The following ZMYND11 variants were observed in gnomAD, a reference collection of about 807,000 sequenced individuals.
ZMYND11 encodes the protein zinc finger MYND domain-containing protein 11.
In ZMYND11, 9 loss-of-function variants were observed where a neutral mutation model predicts 84.9. That is an observed-to-expected ratio of 0.11 (90% CI 0.06 to 0.18). The LOEUF is 0.18. Among genes scored for constraint, ZMYND11 ranks in the 10% least tolerant of loss-of-function variants. The probability of loss-of-function intolerance (pLI) is 1.00; values close to 1 mark genes in which losing one functional copy is unlikely to be tolerated. For synonymous variants in ZMYND11, 250 were observed against 244.1 expected, an observed-to-expected ratio of 1.02 and a Z score of -0.23; for missense variants, 409 against 761.0, an observed-to-expected ratio of 0.54 and a Z score of 5.44.
Position 221,178 on chromosome 10 carries a change from T to C in ZMYND11, c.277-17T>C. On this transcript the variant is annotated splice_polypyrimidine_tract_variant and intron_variant, in intron 3 of 14. Transcript: ENST00000381604. ...TTGACAAAATGTCATACAAAACTAT[T>C]TTGTACTTTTTTGTAGGACTGGGAA... The C allele has an allele frequency of 6.2e-7, 1 of 1,611,924 alleles. No homozygotes were observed. The highest frequency in any genetic ancestry group is 8.5e-7 in the Non-Finnish European group (1 of 1,178,624).
chr10:173,019 T>C (rs1554766055), intron 1 of ZMYND11, among the ~76,000 whole-genome samples: 1 of 149,058 alleles, frequency 6.7e-6, no homozygotes, highest in East Asian at 2.0e-4. Context: ...CTGGAACAAA[T>C]GGACATCCAC....
At chr10:186,341 C>A (rs1055470505) in intron 2 of ZMYND11, among the ~76,000 whole-genome samples, 3 of 151,588 alleles carry the variant, frequency 2.0e-5, no homozygotes, top group African/African-American at 7.3e-5. Flanking sequence ...ACTTGGGTTG[C>A]AGTTTAAAAA....
At chr10:209,077 G>C (rs1944709104) in intron 2 of ZMYND11, among the ~76,000 whole-genome samples, 1 of 151,728 alleles carries the variant, frequency 6.6e-6, no homozygotes, top group African/African-American at 2.4e-5. Flanking sequence ...CAGCGTTGAG[G>C]TTTGTTTGGA....
chr10:130,773 T>G (rs1402560727), upstream of ZMYND11, among the ~76,000 whole-genome samples: 1 of 152,112 alleles, frequency 6.6e-6, no homozygotes, highest in Non-Finnish European at 1.5e-5. Context: ...TCACAGTGAG[T>G]TGGAATTTGG....
chr10:214,275 A>G (rs1945782228), intron 3 of ZMYND11, among the ~76,000 whole-genome samples: 1 of 152,188 alleles, frequency 6.6e-6, no homozygotes, highest in Admixed American at 6.5e-5. Context: ...CCAATTTTAA[A>G]TGGTTTGCTC....
At chr10:171,936 A>G (rs1204860263) in intron 1 of ZMYND11, among the ~76,000 whole-genome samples, 1 of 152,318 alleles carries the variant, frequency 6.6e-6, no homozygotes, top group East Asian at 1.9e-4. Context: ...TTTATAAATA[A>G]CAGAAGTTTA....
intron 1 of ZMYND11, among the ~76,000 whole-genome samples, chr10:166,743 G>T (rs1054402043): frequency 1.8e-4 from 28 of 152,042 alleles, no homozygotes; most frequent in Admixed American, 1.8e-3. Context: ...CCACTTCTGG[G>T]TATATGCCCC....
chr10:212,482 A>G lies in ZMYND11; in HGVS notation c.276+2434A>G, dbSNP rs1168153154. On this transcript the variant is annotated intron_variant, in intron 3 of 14. Transcript: ENST00000381604. ...TAAAATATGTAAATATTTAAAATTC[A>G]GAGGTAATGTAGTTTATTAGAAAGA... Among the ~76,000 whole-genome samples, 26 of 151,666 alleles carry G rather than the reference A, an allele frequency of 1.7e-4. No individual in the cohort carries two copies. The Admixed American group carries it at 1.7e-3, about 10-fold the overall frequency.
intron 9 of ZMYND11, among the ~76,000 whole-genome samples, chr10:241,511 TCCTTTCATCC>T (rs1950920500): frequency 1.3e-5 from 2 of 151,946 alleles, no homozygotes; most frequent in Admixed American, 1.3e-4. Flanking sequence ...TTTTTGTTTC[TCCTTTCATCC>T]TTTCACAAGA....
At chr10:157,351 C>A (rs1298039709) in intron 1 of ZMYND11, among the ~76,000 whole-genome samples, 1 of 152,098 alleles carries the variant, frequency 6.6e-6, no homozygotes, top group Non-Finnish European at 1.5e-5. Flanking sequence ...AGGTGCATGC[C>A]ACCACACTTG....
chr10:222,058 T>C (rs192021130), intron 4 of ZMYND11, among the ~76,000 whole-genome samples: 4 of 152,288 alleles, frequency 2.6e-5, no homozygotes, highest in Admixed American at 2.0e-4. Context: ...TCGATGGTAA[T>C]AAGGAATTAT....
intron 2 of ZMYND11, among the ~76,000 whole-genome samples, chr10:181,853 C>T (rs1847954464): frequency 1.3e-5 from 2 of 151,878 alleles, no homozygotes; most frequent in South Asian, 4.2e-4. Context: ...AAATAAAGCA[C>T]ATAATTTGGG....
intron 2 of ZMYND11, among the ~76,000 whole-genome samples, chr10:207,173 AT>A (rs1264678834): frequency 3.9e-5 from 6 of 152,096 alleles, no homozygotes; most frequent in African/African-American, 1.4e-4. Flanking sequence ...TGTACTCATC[AT>A]TTTTTATGGC....
intron 2 of ZMYND11, among the ~76,000 whole-genome samples, chr10:201,585 T>TACACACACACACACAC (rs56058145): frequency 0.029 from 4,258 of 146,096 alleles, 91 homozygotes; most frequent in African/African-American, 0.048. Context: ...TACCATGAAA[T>TACACACACACACACAC]ACACACACAC....
intron 10 of ZMYND11, among the ~76,000 whole-genome samples, chr10:246,466 T>C (rs941434680): frequency 1.3e-5 from 2 of 152,194 alleles, no homozygotes; most frequent in Admixed American, 6.5e-5. Context: ...TTGTGAACAA[T>C]TGGGAGGCAT....
At position 248,468 on chromosome 10, in the gene ZMYND11, A is replaced by G; in HGVS notation, c.1360A>G (p.Ser454Gly). The change falls in exon 13 of 15, where the codon AGC (serine) becomes GGC (glycine). Residue 454 changes from serine (S) to glycine (G), a missense_variant. By Grantham distance (56) the Ser-to-Gly change is moderately conservative. Coordinates refer to ENST00000381604, the MANE Select transcript of ZMYND11 (RefSeq NM_001370100.5). ...SASSPRMLHR[S>G]TQTTNDGVCQ... ...CTCTTCACCAAGAATGCTGCATCGGAGCACCCAGACCACAAACGACGGCGT... is the reference window on the plus strand; with the variant it reads ...CTCTTCACCAAGAATGCTGCATCGGGGCACCCAGACCACAAACGACGGCGT... 6.2e-7 allele frequency: 1 copy of G among 1,614,220 alleles called. No individual in the cohort carries two copies. The highest frequency in any genetic ancestry group is 8.5e-7 in the Non-Finnish European group (1 of 1,180,040).
chr10:162,439 A>AT (rs782016085), intron 1 of ZMYND11, among the ~76,000 whole-genome samples: 10,055 of 146,810 alleles, frequency 0.068, 450 homozygotes, highest in Middle Eastern at 0.1. Flanking sequence ...GCCACATCAG[A>AT]TTTTTTTTTT....
chr10:239,359 T>C (rs527907329), intron 6 of ZMYND11, 79 bp from the exon 7 acceptor site: 1 of 1,142,836 alleles, frequency 8.8e-7, no homozygotes, highest in Non-Finnish European at 1.3e-6. Flanking sequence ...TAGAAAAGAC[T>C]GCTTGTCCTG....
intron 5 of ZMYND11, 57 bp downstream of exon 5, chr10:236,972 C>A: frequency 6.7e-7 from 1 of 1,502,156 alleles, no homozygotes; most frequent in African/African-American, 1.4e-5. Context: ...TACTATGGTT[C>A]ATTCTTTCAA....
Sources: allele counts gnomAD v4.1 joint callset (sites outside exome capture counted in the v4.1 genomes callset), GRCh38; gene constraint gnomAD v4.1.1; transcripts MANE v1.5; gene names NCBI Gene and HGNC (gene_info 2026-07-23, HGNC 2026-07-21).